INTS8: variants seen among roughly 807,000 people sequenced by gnomAD.
The protein encoded by INTS8 is protein kaonashi-1.
Under a neutral mutation model 138.9 loss-of-function variants are expected in INTS8, and 47 were observed. The ratio of observed to expected loss-of-function variants is 0.34; its 90% CI spans 0.27 to 0.43. INTS8 has a LOEUF of 0.43. INTS8 is among the 20% of genes least tolerant of loss of function. The pLI, the probability that INTS8 is intolerant of heterozygous loss-of-function variation, is 1.00. For synonymous variants in INTS8, 392 were observed against 400.9 expected (o/e 0.98, Z 0.27); for missense variants, 996 against 1,173.0 (o/e 0.85, Z 2.20).
At chr8:94,826,214 CACCAGTAGTATTCAAAA>C (rs1814494023) in intron 2 of INTS8, among the ~76,000 whole-genome samples, 1 of 152,150 alleles carries the variant, frequency 6.6e-6, no homozygotes, top group African/African-American at 2.4e-5. Context: ...TTTATATTCT[CACCAGTAGTATTCAAAA>C]ACCCTCTTTT....
At chr8:94,844,132 A>G (rs1815243737) in intron 10 of INTS8, among the ~76,000 whole-genome samples, 2 of 150,930 alleles carry the variant, frequency 1.3e-5, no homozygotes, top group African/African-American at 4.9e-5. Context: ...TCCGCCTCCC[A>G]GGTTCAAGCG....
In INTS8 at chr8:94,871,903, G is replaced by T; in HGVS notation, c.2434G>T (p.Glu812Ter). ...SIPNLQSVDFEAVAITVKELV... is the reference protein window; with the variant it reads ...SIPNLQSVDF ...TTTTAGCCTCCAGTCTGTGGACTTTGAAGCTGTGGCAATCACAGTGAAAGA... is the reference window on the plus strand; with the variant it reads ...TTTTAGCCTCCAGTCTGTGGACTTTTAAGCTGTGGCAATCACAGTGAAAGA... Residue 812 changes from glutamate (E) to a stop codon, truncating the protein, a stop_gained, in exon 21 of 27, where the codon GAA becomes TAA. Coordinates refer to ENST00000523731, the MANE Select transcript of INTS8 (RefSeq NM_017864.4). LOFTEE classifies it high-confidence loss of function. 1 of 1,596,854 alleles carries T rather than the reference G, an allele frequency of 6.3e-7. No individual in the cohort carries two copies. Among genetic ancestry groups the T allele is most frequent in the South Asian group, 1.1e-5 (1 of 90,384 alleles).
intron 5 of INTS8, 131 bp downstream of exon 5, chr8:94,829,157 CG>C: frequency 1.5e-6 from 1 of 649,054 alleles, no homozygotes; most frequent in Non-Finnish European, 2.7e-6. Flanking sequence ...GTGTGGGGGG[CG>C]GGGGGCGAGG....
At chr8:94,870,874 G>C (rs1009919603) in intron 20 of INTS8, among the ~76,000 whole-genome samples, 10 of 152,084 alleles carry the variant, frequency 6.6e-5, no homozygotes, top group African/African-American at 2.4e-4. Flanking sequence ...GCAGTTAGCA[G>C]TTTTTTGGGT....
intron 26 of INTS8, among the ~76,000 whole-genome samples, chr8:94,876,936 T>G (rs988368889): frequency 1.3e-5 from 2 of 152,176 alleles, no homozygotes; most frequent in Non-Finnish European, 2.9e-5. Flanking sequence ...AGATCTCTCG[T>G]CAATCATCCT....
rs1240530538 is a variant in INTS8 at position 94,872,481 on chromosome 8, G to C, written c.2533+479G>C. Reference sequence around the variant, plus strand: ...ACTCCTGACCTCAGGTGATCTGCCCGCCTCGGCCTCCCAAATTGTTAGGAT... The same window carrying C: ...ACTCCTGACCTCAGGTGATCTGCCCCCCTCGGCCTCCCAAATTGTTAGGAT... On this transcript the variant is annotated intron_variant, in intron 21 of 26. Transcript: ENST00000523731. 4.6e-5 allele frequency among the ~76,000 whole-genome samples: 7 copies of C among 152,226 alleles called. No individual in the cohort carries two copies. In the East Asian group the frequency reaches 1.4e-3, roughly 29 times the overall value.
chr8:94,856,246 G>T (rs1815740982), intron 14 of INTS8, among the ~76,000 whole-genome samples: 1 of 152,222 alleles, frequency 6.6e-6, no homozygotes, highest in South Asian at 2.1e-4. Flanking sequence ...AATGATGGGG[G>T]TAGAAGCCAG....
intron 26 of INTS8, among the ~76,000 whole-genome samples, chr8:94,878,815 G>A (rs542820092): frequency 1.1e-4 from 16 of 152,244 alleles, no homozygotes; most frequent in Non-Finnish European, 1.6e-4. Flanking sequence ...TCCTTTTCCT[G>A]ATTACATCTC....
intron 1 of INTS8, 76 bp downstream of exon 1, chr8:94,823,637 C>T (rs953824940): frequency 7.4e-6 from 9 of 1,221,130 alleles, no homozygotes; most frequent in African/African-American, 3.2e-5. Flanking sequence ...CCGCTCCCCG[C>T]CTTCTCGGTC....
At chr8:94,826,843 C>T (rs1383670738) in intron 2 of INTS8, among the ~76,000 whole-genome samples, 2 of 152,296 alleles carry the variant, frequency 1.3e-5, no homozygotes, top group South Asian at 2.1e-4. Flanking sequence ...CGGTGGCTCA[C>T]GCCTGTAATC....
At chr8:94,873,659 G>C (rs999281860) in intron 22 of INTS8, 182 bp downstream of exon 22, 108 of 538,750 alleles carry the variant, frequency 2.0e-4, no homozygotes, top group Non-Finnish European at 2.3e-4. Context: ...TTGCTGTCTT[G>C]ATTCCCCCAA....
intron 23 of INTS8, 182 bp from the exon 24 acceptor site, chr8:94,875,892 G>T: frequency 1.8e-6 from 1 of 545,300 alleles, no homozygotes; most frequent in Non-Finnish European, 3.3e-6. Context: ...GGTCACTGAT[G>T]AAGAGAATAT....
At chr8:94,875,222 A>ACAAAAGTAGAAAC (rs2131077546) in intron 23 of INTS8, among the ~76,000 whole-genome samples, 1 of 152,302 alleles carries the variant, frequency 6.6e-6, no homozygotes, top group East Asian at 1.9e-4. Context: ...AAACAACCCT[A>ACAAAAGTAGAAAC]ATGCCCATCA....
chr8:94,871,774 A>G, intron 20 of INTS8, 110 bp from the exon 21 acceptor site: 1 of 704,726 alleles, frequency 1.4e-6, no homozygotes, highest in Admixed American at 2.5e-5. Context: ...TTAGCATTAT[A>G]TTTATGTTCA....
intron 8 of INTS8, among the ~76,000 whole-genome samples, chr8:94,838,887 A>G (rs1171632514): frequency 1.3e-5 from 2 of 152,240 alleles, no homozygotes; most frequent in East Asian, 1.9e-4. Context: ...GAGTTGGTCT[A>G]TCTTAAATAA....
chr8:94,850,569 G>A (rs1006731450), intron 12 of INTS8, among the ~76,000 whole-genome samples: 16 of 144,684 alleles, frequency 1.1e-4, no homozygotes, highest in African/African-American at 2.8e-4. Context: ...CCAAGATTGC[G>A]CCACTGCACT....
intron 12 of INTS8, among the ~76,000 whole-genome samples, chr8:94,850,816 T>C (rs1025127364): frequency 2.0e-5 from 3 of 152,100 alleles, no homozygotes; most frequent in African/African-American, 7.2e-5. Flanking sequence ...TATTGCTGTT[T>C]TTGCCTTGTT....
chr8:94,846,673 A>T (rs986297694), intron 10 of INTS8, among the ~76,000 whole-genome samples: 2 of 152,196 alleles, frequency 1.3e-5, no homozygotes, highest in Non-Finnish European at 2.9e-5. Flanking sequence ...AGTCTCAGAA[A>T]GCAAGCTTGC....
rs112833524 is a variant in INTS8 at position 94,834,545 on chromosome 8, G to A, written c.754-1979G>A. ...TAACGTGGCAAAATCCTGTTTCTACGAAAAACACAAAAATTAGGCGTTGTG... is the reference window on the plus strand; with the variant it reads ...TAACGTGGCAAAATCCTGTTTCTACAAAAAACACAAAAATTAGGCGTTGTG... On this transcript the variant is annotated intron_variant, in intron 6 of 26. Transcript: ENST00000523731. Among the ~76,000 whole-genome samples, 749 of 151,840 alleles carry A rather than the reference G, an allele frequency of 4.9e-3. 3 individuals are homozygous for A. Among genetic ancestry groups the A allele is most frequent in the African/African-American group, 0.016 (676 of 41,418 alleles).
Sources: gnomAD v4.1 joint callset for allele counts (sites outside exome capture counted in the v4.1 genomes callset) on GRCh38, gnomAD v4.1.1 for gene constraint, MANE v1.5 for transcripts, NCBI Gene and HGNC (gene_info 2026-07-23, HGNC 2026-07-21) for gene names.